Variants in FAM13C observed in about 807,000 individuals in gnomAD.
The protein encoded by FAM13C is protein FAM13C.
FAM13C carries 37 observed loss-of-function variants against 73.2 expected under a neutral mutation model. That is an observed-to-expected ratio of 0.51 (90% CI 0.39 to 0.67). The LOEUF (loss-of-function observed/expected upper bound fraction) is 0.67, where lower values mean the gene tolerates loss of function less well. Ranked by LOEUF, FAM13C falls within the 30% of genes least tolerant of loss-of-function variation. The probability of loss-of-function intolerance (pLI) is 0.00; values close to 1 mark genes in which losing one functional copy is unlikely to be tolerated. For missense variants in FAM13C, 589 were observed against 715.6 expected (o/e 0.82, Z 2.02); for synonymous variants, 246 against 260.9 (o/e 0.94, Z 0.55).
At position 59,355,916 on chromosome 10, in the gene FAM13C, A is replaced by G; in HGVS notation, c.90T>C (p.His30=). 2 of 1,614,042 alleles carry G rather than the reference A, an allele frequency of 1.2e-6. No homozygotes were observed. Among genetic ancestry groups the G allele is most frequent in the Non-Finnish European group, 1.7e-6 (2 of 1,179,916 alleles). The change falls in exon 2 of 14, where the codon CAT becomes CAC. Residue 30 remains histidine, a synonymous_variant. Coordinates refer to ENST00000618804, the MANE Select transcript of FAM13C (RefSeq NM_198215.4). Reference sequence around the variant, plus strand: ...GACTGGAGCAATCAGTCTGGTCTTCATGTAGAGAGACTGGATCTTCGTCAC... The same window carrying G: ...GACTGGAGCAATCAGTCTGGTCTTCGTGTAGAGAGACTGGATCTTCGTCAC... The part of the protein sequence containing the change: ...TECDEDPVSL[H]EDQTDCSSLR...
At chr10:59,357,053 A>C (rs1302511099) in intron 1 of FAM13C, among the ~76,000 whole-genome samples, 5 of 152,134 alleles carry the variant, frequency 3.3e-5, no homozygotes, top group African/African-American at 1.2e-4. Context: ...CCACAGACTG[A>C]AGGCTGCACT....
chr10:59,256,793 C>T (rs187125122), intron 10 of FAM13C, among the ~76,000 whole-genome samples: 11 of 152,118 alleles, frequency 7.2e-5, no homozygotes, highest in African/African-American at 2.7e-4. Context: ...CAGGATACCC[C>T]AAATCTAAGG....
In FAM13C at chr10:59,264,070, T is replaced by C. The variant is rs1436069106; in HGVS notation, c.1024+15A>G. ...CTTCCTTTGTGAGGAAAAAAGATCT[T>C]TGGCTGGGATTTACCTTTGAGCTGT... On this transcript the variant is annotated intron_variant, in intron 9 of 13. Transcript: ENST00000618804. The C allele has an allele frequency of 5.0e-6, 8 of 1,610,954 alleles. No homozygotes were observed. The highest frequency in any genetic ancestry group is 2.2e-5 in the East Asian group (1 of 44,846).
chr10:59,326,379 G>A (rs1441179324), intron 3 of FAM13C, among the ~76,000 whole-genome samples: 1 of 152,056 alleles, frequency 6.6e-6, no homozygotes, highest in Non-Finnish European at 1.5e-5. Context: ...GGAGAATTGG[G>A]GAAGACTAAG....
At chr10:59,363,075 A>T (rs1379530285), upstream of FAM13C, 1 of 158,190 alleles carries the variant, frequency 6.3e-6, no homozygotes, top group East Asian at 1.9e-4. Flanking sequence ...TAGGAAAAAG[A>T]ATAGGCTCTA....
At chr10:59,262,750 G>T in intron 9 of FAM13C, 105 bp from the exon 10 acceptor site, 1 of 924,354 alleles carries the variant, frequency 1.1e-6, no homozygotes, top group Non-Finnish European at 1.6e-6. Context: ...CTGTAGAAAT[G>T]AACACTAATG....
chr10:59,271,155 C>T (rs1320456651), intron 6 of FAM13C, among the ~76,000 whole-genome samples: 1 of 152,210 alleles, frequency 6.6e-6, no homozygotes, highest in Non-Finnish European at 1.5e-5. Flanking sequence ...AAGTCAGGAC[C>T]AGCCAAGGCT....
intron 7 of FAM13C, 25 bp downstream of exon 7, chr10:59,269,874 G>A: frequency 1.9e-6 from 3 of 1,609,482 alleles, no homozygotes; most frequent in South Asian, 2.2e-5. Context: ...ATGAAATGAA[G>A]ACAATAACAA....
In FAM13C at chr10:59,246,695, A is replaced by G. The variant is rs557194784; in HGVS notation, c.*919T>C. ...CAAACTTTTCATTTTGTACAGAAGG[A>G]TGAATAACTACAGCTCATGGGAAAT... is the stretch of plus-strand genomic sequence containing the variant. On this transcript the variant is annotated 3_prime_UTR_variant, in exon 14 of 14. Coordinates refer to ENST00000618804, the MANE Select transcript of FAM13C (RefSeq NM_198215.4). 2 of 397,502 alleles carry G rather than the reference A, an allele frequency of 5.0e-6. No homozygotes were observed. The highest frequency in any genetic ancestry group is 7.2e-5 in the East Asian group (2 of 27,860). 24.6% of individuals were successfully genotyped at this position (397,502 alleles called of 1,614,324 possible).
chr10:59,312,986 T>A (rs912985284), intron 4 of FAM13C, among the ~76,000 whole-genome samples: 1 of 152,202 alleles, frequency 6.6e-6, no homozygotes, highest in Non-Finnish European at 1.5e-5. Flanking sequence ...CCAATCCACT[T>A]CTTCTGACAT....
intron 5 of FAM13C, among the ~76,000 whole-genome samples, chr10:59,293,318 C>T (rs1160706934): frequency 6.6e-6 from 1 of 152,044 alleles, no homozygotes; most frequent in Non-Finnish European, 1.5e-5. Flanking sequence ...CCTCGTGATC[C>T]ACCCGCCTCG....
chr10:59,319,246 A>C (rs1466985493), intron 4 of FAM13C, among the ~76,000 whole-genome samples: 2 of 152,192 alleles, frequency 1.3e-5, no homozygotes, highest in South Asian at 4.1e-4. Context: ...ATGTCAAAAA[A>C]TAGTGGAGGC....
intron 10 of FAM13C, among the ~76,000 whole-genome samples, 158 bp from the exon 11 acceptor site, chr10:59,254,601 A>G (rs2133388919): frequency 6.6e-6 from 1 of 151,008 alleles, no homozygotes; most frequent in South Asian, 2.1e-4. Context: ...TTATTTATTT[A>G]TTTATTTATT....
At chr10:59,311,403 A>G (rs1234865662) in intron 4 of FAM13C, among the ~76,000 whole-genome samples, 2 of 152,222 alleles carry the variant, frequency 1.3e-5, no homozygotes, top group African/African-American at 4.8e-5. Flanking sequence ...ATTAGGAGTA[A>G]TAATTATAGC....
intron 6 of FAM13C, among the ~76,000 whole-genome samples, chr10:59,274,137 C>G (rs1008334831): frequency 7.2e-5 from 11 of 152,104 alleles, no homozygotes; most frequent in African/African-American, 2.7e-4. Flanking sequence ...CAGCCTCTCT[C>G]AGGACAGACA....
intron 9 of FAM13C, 133 bp downstream of exon 9, chr10:59,263,952 G>C (rs1380214793): frequency 2.5e-6 from 2 of 799,904 alleles, no homozygotes; most frequent in African/African-American, 3.4e-5. Context: ...ATTTCAAAAG[G>C]GAGTTACAGT....
upstream of FAM13C, chr10:59,362,668 G>T (rs1383379817): frequency 2.5e-6 from 3 of 1,218,760 alleles, no homozygotes; most frequent in African/African-American, 3.1e-5. Context: ...CCGCGAGGCT[G>T]CGGGGACAGA....
intron 3 of FAM13C, 62 bp downstream of exon 3, chr10:59,352,208 C>A: frequency 2.5e-6 from 4 of 1,584,974 alleles, no homozygotes; most frequent in Non-Finnish European, 3.4e-6. Flanking sequence ...TCTGCCAGAA[C>A]CGTGTGGCCT....
intron 10 of FAM13C, among the ~76,000 whole-genome samples, chr10:59,260,069 A>ATT (rs200567465): frequency 8.9e-5 from 13 of 146,368 alleles, no homozygotes; most frequent in African/African-American, 3.2e-4. Context: ...ACCATCCCGG[A>ATT]TTTTTTTTTT....
Sources: allele counts gnomAD v4.1 joint callset (sites outside exome capture counted in the v4.1 genomes callset), GRCh38; gene constraint gnomAD v4.1.1; transcripts MANE v1.5; gene names NCBI Gene and HGNC (gene_info 2026-07-23, HGNC 2026-07-21).